The following FRMD7 variants were observed in gnomAD, a reference collection of about 807,000 sequenced individuals.
FRMD7 encodes the protein FERM domain-containing protein 7.
Under a neutral mutation model 44.1 loss-of-function variants are expected in FRMD7, and 14 were observed. The ratio of observed to expected loss-of-function variants is 0.32; its 90% confidence interval spans 0.21 to 0.50. The LOEUF is 0.50. FRMD7 is among the 20% of genes least tolerant of loss of function. The pLI is 0.99. For synonymous variants in FRMD7, 212 were observed against 187.4 expected, an observed-to-expected ratio of 1.13 and a Z score of -1.07; for missense variants, 501 against 522.3, an observed-to-expected ratio of 0.96 and a Z score of 0.40.
intron 1 of FRMD7, among the ~76,000 whole-genome samples, chrX:132,113,868 C>T (rs774390481): frequency 9.0e-6 from 1 of 110,865 alleles, no homozygotes; most frequent in African/African-American, 3.3e-5. Context: ...TATCAAATAG[C>T]AGGTTTTATT....
rs1366045074 is a variant in FRMD7, at chrX:132,082,543, C to T, written c.742-17G>A. The T allele has an allele frequency of 1.7e-6, 2 of 1,186,471 alleles. No individual in the cohort carries two copies. Among genetic ancestry groups the T allele is most frequent in the Non-Finnish European group, 2.3e-6 (2 of 872,486 alleles). On this transcript the variant is annotated splice_polypyrimidine_tract_variant and intron_variant, in intron 8 of 11. Transcript: ENST00000298542. ...GCACAACACCTGTATAAACCAATTTCCATTAAGTAAAACATCCTTCAAGAA... is the reference window on the plus strand; with the variant it reads ...GCACAACACCTGTATAAACCAATTTTCATTAAGTAAAACATCCTTCAAGAA...
chrX:132,119,056 A>G (rs1482652789), intron 1 of FRMD7, among the ~76,000 whole-genome samples: 1 of 111,567 alleles, frequency 9.0e-6, no homozygotes, highest in Non-Finnish European at 1.9e-5. Context: ...TACACATCAC[A>G]CCATAATATA....
At chrX:132,092,699 T>TGG (rs1928215590) in intron 5 of FRMD7, among the ~76,000 whole-genome samples, 2 of 111,981 alleles carry the variant, frequency 1.8e-5, no homozygotes, top group Non-Finnish European at 3.8e-5. Flanking sequence ...CGTCAGAGAC[T>TGG]GCCTGGGAGC....
chrX:132,086,092 C>T, intron 5 of FRMD7, 58 bp from the exon 6 acceptor site: 1 of 699,120 alleles, frequency 1.4e-6, no homozygotes, highest in Non-Finnish European at 2.3e-6. Flanking sequence ...AGCAATGGAG[C>T]ATCCAGCATA....
intron 1 of FRMD7, among the ~76,000 whole-genome samples, chrX:132,121,785 G>A (rs1366260399): frequency 9.0e-6 from 1 of 111,480 alleles, no homozygotes; most frequent in African/African-American, 3.3e-5. Flanking sequence ...CCCTAACTGT[G>A]AATAATGACC....
At position 132,119,931 on chromosome X, in the gene FRMD7, A is replaced by G. The variant is rs1050632991; in HGVS notation, c.57+7857T>C. Among the ~76,000 whole-genome samples, 3 of 111,160 alleles carry G rather than the reference A, an allele frequency of 2.7e-5. No homozygotes were observed. In the Admixed American group the frequency reaches 2.9e-4, roughly 11 times the overall value. ...AACTGGTCTCACGGAATGTTTTTCCAGTTCTGACAGTCTGGCACAAAGCTG... is the reference window on the plus strand; with the variant it reads ...AACTGGTCTCACGGAATGTTTTTCCGGTTCTGACAGTCTGGCACAAAGCTG... On this transcript the variant is annotated intron_variant, in intron 1 of 11. Coordinates refer to ENST00000298542, the MANE Select transcript of FRMD7 (RefSeq NM_194277.3).
chrX:132,080,753 C>A (rs1927781724), intron 9 of FRMD7, among the ~76,000 whole-genome samples: 1 of 111,146 alleles, frequency 9.0e-6, no homozygotes, highest in Non-Finnish European at 1.9e-5. Context: ...GGCAAGGCTG[C>A]AGTGAGCGGA....
chrX:132,114,746 A>G (rs1487561077), intron 1 of FRMD7, among the ~76,000 whole-genome samples: 1 of 111,973 alleles, frequency 8.9e-6, no homozygotes. Context: ...GGACTACACT[A>G]AGGGACCAGT....
chrX:132,104,962 A>G (rs1259491962), intron 1 of FRMD7, among the ~76,000 whole-genome samples: 2 of 112,521 alleles, frequency 1.8e-5, no homozygotes, highest in East Asian at 5.6e-4. Context: ...ATGAAACTTA[A>G]ATTGATATTT....
Position 132,086,029 on chromosome X carries a change from G to C in FRMD7, c.388C>G (p.Leu130Val). ...TCTGTTTCTTCATGAAAGTCTCCAA[G>C]TTCTGCTGCATGACAGGAAAAAGAC... ...LMVSHILQSE[L>V]GDFHEETDRK... Residue 130 changes from leucine (L) to valine (V), a missense_variant, in exon 6 of 12, where the codon CTT becomes GTT. Transcript: ENST00000298542. The C allele has an allele frequency of 2.6e-6, 3 of 1,150,655 alleles. No homozygotes were observed. Among genetic ancestry groups the C allele is most frequent in the Non-Finnish European group, 3.6e-6 (3 of 839,812 alleles). 94.8% of individuals were successfully genotyped at this position (1,150,655 alleles called of 1,213,427 possible).
intron 8 of FRMD7, among the ~76,000 whole-genome samples, chrX:132,084,250 C>T (rs1280114830): frequency 1.8e-5 from 2 of 111,816 alleles, no homozygotes; most frequent in African/African-American, 3.3e-5. Flanking sequence ...GCCTTTCAGC[C>T]GAGCTGCCCC....
chrX:132,097,401 G>T, intron 3 of FRMD7, 57 bp from the exon 4 acceptor site: 33 of 598,035 alleles, frequency 5.5e-5, no homozygotes, highest in Non-Finnish European at 9.1e-5. Flanking sequence ...ACAGTTATAG[G>T]TACACACACA....
At chrX:132,114,731 C>T (rs146129156) in intron 1 of FRMD7, among the ~76,000 whole-genome samples, 5,317 of 111,938 alleles carry the variant, frequency 0.047, 111 homozygotes, top group Middle Eastern at 0.083. Flanking sequence ...CTTGTTGACA[C>T]CTGTGGACTA....
chrX:132,092,592 T>C (rs778026727), intron 5 of FRMD7, among the ~76,000 whole-genome samples: 97 of 111,974 alleles, frequency 8.7e-4, no homozygotes, highest in African/African-American at 2.9e-3. Context: ...CAATATCCTC[T>C]AGAAAAGCTC....
At chrX:132,127,097 A>G (rs773092661) in intron 1 of FRMD7, among the ~76,000 whole-genome samples, 1 of 112,671 alleles carries the variant, frequency 8.9e-6, no homozygotes, top group African/African-American at 3.2e-5. Flanking sequence ...ACTTTTCAAA[A>G]TGCTCATACA....
At chrX:132,126,932 A>G (rs1415130708) in intron 1 of FRMD7, among the ~76,000 whole-genome samples, 1 of 112,487 alleles carries the variant, frequency 8.9e-6, no homozygotes, top group Non-Finnish European at 1.9e-5. Context: ...CACACACAAC[A>G]TCATGGCTGA....
At chrX:132,101,194 G>A (rs1041562964) in intron 1 of FRMD7, among the ~76,000 whole-genome samples, 12 of 110,439 alleles carry the variant, frequency 1.1e-4, no homozygotes, top group African/African-American at 3.6e-4. Context: ...GGCCATGCCT[G>A]CGCCTCCAGC....
chrX:132,119,599 G>T (rs1164654614), intron 1 of FRMD7, among the ~76,000 whole-genome samples: 1 of 111,458 alleles, frequency 9.0e-6, no homozygotes, highest in Non-Finnish European at 1.9e-5. Flanking sequence ...ACCCAGAAGA[G>T]GAGGAAGTGG....
chrX:132,103,496 CTA>C (rs1928563578), intron 1 of FRMD7, among the ~76,000 whole-genome samples: 2 of 107,420 alleles, frequency 1.9e-5, no homozygotes, highest in South Asian at 8.4e-4. Flanking sequence ...GTCTATCTAT[CTA>C]TCTATCTATC....
Sources: allele counts gnomAD v4.1 joint callset (sites outside exome capture counted in the v4.1 genomes callset), GRCh38; gene constraint gnomAD v4.1.1; transcripts MANE v1.5; gene names NCBI Gene and HGNC (gene_info 2026-07-23, HGNC 2026-07-21).